The following SCMH1 variants were observed in gnomAD, a reference collection of about 807,000 sequenced individuals.
SCMH1 encodes the protein Scm polycomb group protein homolog 1.
A neutral mutation model predicts 70.8 loss-of-function variants in SCMH1; 37 were observed. The observed-to-expected ratio is 0.52, with a 90% CI of 0.40 to 0.69. The LOEUF (loss-of-function observed/expected upper bound fraction) is 0.69, where lower values mean the gene tolerates loss of function less well. Among genes scored for constraint, SCMH1 ranks in the 30% least tolerant of loss-of-function variants. The pLI is 0.00. For synonymous variants in SCMH1, 292 were observed against 307.4 expected, an observed-to-expected ratio of 0.95 and a Z score of 0.52; for missense variants, 607 against 827.3, an observed-to-expected ratio of 0.73 and a Z score of 3.27.
chr1:41,134,494 GTC>G (rs777499047), intron 6 of SCMH1, among the ~76,000 whole-genome samples: 3 of 152,272 alleles, frequency 2.0e-5, no homozygotes, highest in Non-Finnish European at 4.4e-5. Context: ...AAGTCAAATT[GTC>G]TCTGTTCACA....
rs1649741636 is a variant in SCMH1, at chr1:41,184,824, G to A, written c.13+1297C>T. On this transcript the variant is annotated intron_variant, in intron 2 of 14. Coordinates refer to ENST00000337495, the Ensembl canonical transcript of SCMH1. The stretch of plus-strand genomic sequence containing the variant: ...GGGAGATAACTAGATAAACTTCTAA[G>A]ACCCTATTCAGCCTTGAAATTCTTT... Among the ~76,000 whole-genome samples the A allele has an allele frequency of 2.6e-5, 4 of 152,126 alleles. No homozygotes were observed. In the South Asian group the frequency reaches 8.3e-4, roughly 32 times the overall value.
chr1:41,092,342 C>T (rs1225502804), intron 8 of SCMH1, among the ~76,000 whole-genome samples: 1 of 152,150 alleles, frequency 6.6e-6, no homozygotes, highest in Non-Finnish European at 1.5e-5. Context: ...GAAACTGGAT[C>T]CCTTCCTTAC....
chr1:41,104,271 A>ATAAAGGACGGATTT (rs113234452), intron 8 of SCMH1, among the ~76,000 whole-genome samples: 3 of 152,242 alleles, frequency 2.0e-5, no homozygotes, highest in African/African-American at 7.2e-5. Context: ...AGATAGGTGA[A>ATAAAGGACGGATTT]TAAAGGACGG....
intron 10 of SCMH1, among the ~76,000 whole-genome samples, chr1:41,066,323 G>C (rs1370359148): frequency 1.3e-5 from 2 of 152,100 alleles, no homozygotes; most frequent in Non-Finnish European, 2.9e-5. Flanking sequence ...TTCCATACGT[G>C]GGGATGTGGG....
At chr1:41,166,842 CT>C (rs960269984) in intron 2 of SCMH1, among the ~76,000 whole-genome samples, 1 of 152,012 alleles carries the variant, frequency 6.6e-6, no homozygotes, top group Non-Finnish European at 1.5e-5. Context: ...ATTTCTTTTT[CT>C]TGCCTAATTG....
chr1:41,193,654 T>C lies in SCMH1; in HGVS notation c.-117-7404A>G, dbSNP rs1179321089. ...TGAACATAGAAATGGAAAGGGACAA[T>C]GTGTTTGGACAATGCTAGCCATTTA... On this transcript the variant is annotated intron_variant, in intron 1 of 14. Transcript: ENST00000337495. Among the ~76,000 whole-genome samples, 4 of 152,190 alleles carry C rather than the reference T, an allele frequency of 2.6e-5. No individual in the cohort carries two copies. The East Asian group carries it at 7.7e-4, about 29-fold the overall frequency.
At chr1:41,197,572 A>T (rs1653325260) in intron 1 of SCMH1, among the ~76,000 whole-genome samples, 1 of 152,178 alleles carries the variant, frequency 6.6e-6, no homozygotes, top group Non-Finnish European at 1.5e-5. Context: ...TGCGTACAGA[A>T]TTTCTATTTG....
chr1:41,228,168 G>C (rs566142036), intron 1 of SCMH1, among the ~76,000 whole-genome samples: 1 of 152,232 alleles, frequency 6.6e-6, no homozygotes, highest in South Asian at 2.1e-4. Context: ...TTGTGCCAGT[G>C]GTTGTTTGTA....
At position 41,100,312 on chromosome 1, in the gene SCMH1, A is replaced by G. The variant is rs948402164; in HGVS notation, c.745+12971T>C. Among the ~76,000 whole-genome samples the G allele has an allele frequency of 2.0e-5, 3 of 152,026 alleles. 1 individual carries two copies. The South Asian group carries it at 6.2e-4, about 32-fold the overall frequency. ...ACATAGTGAGATCTCGTCTCTAACA[A>G]CAACAAAAAAAGGTACTTTCCCAGT... On this transcript the variant is annotated intron_variant, in intron 8 of 14. Transcript: ENST00000337495.
At position 41,204,639 on chromosome 1, in the gene SCMH1, T is replaced by C. The variant is rs183638792; in HGVS notation, c.-117-18389A>G. 1.2e-3 allele frequency among the ~76,000 whole-genome samples: 179 copies of C among 152,328 alleles called. 1 individual carries two copies. Among genetic ancestry groups the C allele is most frequent in the South Asian group, 6.4e-3 (31 of 4,824 alleles). The stretch of plus-strand genomic sequence containing the variant: ...GTCTGGCTTTTCATCATTCAGGTCT[T>C]AGCTTAAATGTCACCTCCTCAGAGA... On this transcript the variant is annotated intron_variant, in intron 1 of 14. Transcript: ENST00000337495.
At chr1:41,238,049 A>G (rs1291235179) in intron 1 of SCMH1, among the ~76,000 whole-genome samples, 2 of 152,230 alleles carry the variant, frequency 1.3e-5, no homozygotes, top group African/African-American at 4.8e-5. Flanking sequence ...TAAATTTTTT[A>G]CAGATAAGGA....
chr1:41,084,488 G>A (rs948884643), intron 8 of SCMH1, among the ~76,000 whole-genome samples: 4 of 152,116 alleles, frequency 2.6e-5, no homozygotes, highest in South Asian at 2.1e-4. Flanking sequence ...CAGGTGCTGG[G>A]GAGGATGTGG....
rs557099327 is a variant in SCMH1, at chr1:41,085,398, C to T, written c.746-9947G>A. 6.6e-5 allele frequency among the ~76,000 whole-genome samples: 10 copies of T among 152,048 alleles called. No individual in the cohort carries two copies. The East Asian group carries it at 1.9e-3, about 29-fold the overall frequency. On this transcript the variant is annotated intron_variant, in intron 8 of 14. Transcript: ENST00000337495. ...CATGATAATACATATATGCCAAAAT[C>T]CTAAAGGAAACATCTTACTGGAGAA...
At chr1:41,180,190 A>T (rs985371669) in intron 2 of SCMH1, among the ~76,000 whole-genome samples, 4 of 152,218 alleles carry the variant, frequency 2.6e-5, no homozygotes, top group African/African-American at 9.7e-5. Context: ...ACTCTCAATA[A>T]ATTAGGTATT....
chr1:41,179,048 G>C (rs1207138652), intron 2 of SCMH1, among the ~76,000 whole-genome samples: 2 of 152,186 alleles, frequency 1.3e-5, no homozygotes, highest in Non-Finnish European at 2.9e-5. Context: ...TCAGACCACA[G>C]TGCAATCAAA....
chr1:41,076,034 T>C (rs1344064572), intron 8 of SCMH1, among the ~76,000 whole-genome samples: 1 of 152,242 alleles, frequency 6.6e-6, no homozygotes, highest in Non-Finnish European at 1.5e-5. Flanking sequence ...AAAACCTTTA[T>C]TCCTTATTAC....
intron 1 of SCMH1, among the ~76,000 whole-genome samples, chr1:41,232,931 G>A (rs1382780185): frequency 6.6e-6 from 1 of 152,168 alleles, no homozygotes; most frequent in Non-Finnish European, 1.5e-5. Context: ...TGTCTGCTAT[G>A]TGGCAGCCCC....
At chr1:41,119,607 T>A (rs530620770) in intron 6 of SCMH1, among the ~76,000 whole-genome samples, 1 of 152,306 alleles carries the variant, frequency 6.6e-6, no homozygotes, top group East Asian at 1.9e-4. Flanking sequence ...TGTCCCATGT[T>A]AGGCCAGTTG....
chr1:41,043,469 C>G (rs962827789), intron 12 of SCMH1: 2 of 151,066 alleles, frequency 1.3e-5, no homozygotes, highest in Non-Finnish European at 2.9e-5. Context: ...GTCGCCCAGG[C>G]TGGAGTGCAG....
Sources: allele counts gnomAD v4.1 joint callset (sites outside exome capture counted in the v4.1 genomes callset), GRCh38; gene constraint gnomAD v4.1.1; transcripts MANE v1.5; gene names NCBI Gene and HGNC (gene_info 2026-07-23, HGNC 2026-07-21).